Variants in TESPA1 observed in about 807,000 individuals in gnomAD.
TESPA1 encodes thymocyte expressed, positive selection associated 1.
TESPA1 carries 33 observed loss-of-function variants against 57.9 expected under a neutral mutation model. The observed-to-expected ratio is 0.57, with a 90% CI of 0.43 to 0.76. The LOEUF is 0.76. Ranked by LOEUF, TESPA1 falls within the 30% of genes least tolerant of loss-of-function variation. TESPA1 has a pLI of 0.00. For synonymous variants in TESPA1, 227 were observed against 228.9 expected, an observed-to-expected ratio of 0.99 and a Z score of 0.07; for missense variants, 618 against 632.9, an observed-to-expected ratio of 0.98 and a Z score of 0.25.
chr12:54,959,692 G>C (rs368374974), intron 10 of TESPA1, among the ~76,000 whole-genome samples: 1 of 152,158 alleles, frequency 6.6e-6, no homozygotes, highest in African/African-American at 2.4e-5. Flanking sequence ...CTAATTTGAG[G>C]AGAAGTGGTT....
intron 3 of TESPA1, among the ~76,000 whole-genome samples, chr12:54,970,144 C>T (rs1457194456): frequency 6.6e-6 from 1 of 152,026 alleles, no homozygotes; most frequent in Non-Finnish European, 1.5e-5. Flanking sequence ...TGGTACATTG[C>T]CCAGGGTGGT....
In TESPA1 at chr12:54,966,532, T is replaced by C. The variant is rs12304999; in HGVS notation, c.311-108A>G. 3.2e-3 allele frequency: 4,093 copies of C among 1,294,304 alleles called. 92 individuals carry two copies. The African/African-American group carries it at 0.055, about 18-fold the overall frequency. The allele number at this position is 1,294,304 out of a possible 1,614,324, so 80.2% of individuals were successfully genotyped here. On this transcript the variant is annotated intron_variant, in intron 5 of 10. Coordinates refer to ENST00000449076, the MANE Select transcript of TESPA1 (RefSeq NM_001136030.3). ...AGTCCCCTCTGTTTCTTTTTGTGAC[T>C]ATGACAGGCTAGCTGGACCCCATAA...
chr12:54,980,541 G>A (rs574596167), intron 1 of TESPA1, among the ~76,000 whole-genome samples: 2 of 152,334 alleles, frequency 1.3e-5, no homozygotes, highest in South Asian at 2.1e-4. Context: ...GGCCCCGCCC[G>A]GTACATGGCT....
rs375275965 is a variant in TESPA1, at chr12:54,963,142, G to A, written c.756C>T (p.Ser252=). ...SKTPVQKFTP[S]HMFWNCNHPT... ...GATGGTTGCAATTCCAGAACATGTG[G>A]GATGGTGTGAACTTTTGGACAGGTG... The change falls in exon 9 of 11, where the codon TCC becomes TCT. Residue 252 remains serine (S), a synonymous_variant. Coordinates refer to ENST00000449076, the MANE Select transcript of TESPA1 (RefSeq NM_001136030.3). 6.2e-7 allele frequency: 1 copy of A among 1,613,912 alleles called. No homozygotes were observed. Among genetic ancestry groups the A allele is most frequent in the Non-Finnish European group, 8.5e-7 (1 of 1,179,882 alleles).
chr12:54,953,445 C>T (rs1950521675), intron 10 of TESPA1, among the ~76,000 whole-genome samples: 1 of 152,084 alleles, frequency 6.6e-6, no homozygotes. Flanking sequence ...TTTTTCTACT[C>T]TCCTCAGCCA....
chr12:54,977,608 T>C (rs1355333723), intron 1 of TESPA1, among the ~76,000 whole-genome samples: 3 of 152,194 alleles, frequency 2.0e-5, no homozygotes, highest in Admixed American at 1.3e-4. Flanking sequence ...GCTTAAGAGT[T>C]CCAAAGAAAG....
chr12:54,983,458 C>T (rs1378668774), intron 1 of TESPA1, among the ~76,000 whole-genome samples: 1 of 152,152 alleles, frequency 6.6e-6, no homozygotes, highest in Non-Finnish European at 1.5e-5. Flanking sequence ...TCTAATCACT[C>T]AGCTGAACAA....
chr12:54,968,223 A>C (rs1951574882), intron 3 of TESPA1, among the ~76,000 whole-genome samples: 1 of 152,180 alleles, frequency 6.6e-6, no homozygotes, highest in Non-Finnish European at 1.5e-5. Context: ...AAAACGGGAG[A>C]ATTACATTCA....
intron 5 of TESPA1, 57 bp from the exon 6 acceptor site, chr12:54,966,481 G>C: frequency 1.9e-6 from 3 of 1,587,836 alleles, no homozygotes; most frequent in South Asian, 2.3e-5. Flanking sequence ...AAAATCACCT[G>C]TGTTGCCCCT....
chr12:54,954,692 A>T (rs1385644845), intron 10 of TESPA1, among the ~76,000 whole-genome samples: 3 of 152,216 alleles, frequency 2.0e-5, no homozygotes, highest in Non-Finnish European at 4.4e-5. Flanking sequence ...TTTCAGAAAT[A>T]TTGTCTCATA....
Position 54,962,981 on chromosome 12 carries a change from G to T in TESPA1, c.917C>A (p.Thr306Asn), listed in dbSNP as rs774617369. The T allele has an allele frequency of 1.5e-5, 25 of 1,613,378 alleles. No individual in the cohort carries two copies. The South Asian group carries it at 2.5e-4, about 16-fold the overall frequency. Residue 306 changes from threonine to asparagine, a missense_variant, in exon 9 of 11, where the codon ACC becomes AAC. By Grantham distance (65) the Thr-to-Asn change is moderately conservative. Transcript: ENST00000449076. ...TTGGTCCAAACTGTTCCTTTTGGGG[G>T]TGTTGTGGGGTGGTGGTGGCCGGTC... is the stretch of plus-strand genomic sequence containing the variant. The part of the protein sequence containing the change: ...PRDRPPPPHN[T>N]PKRNSLDQVV...
chr12:54,956,828 C>T (rs965906799), intron 10 of TESPA1, among the ~76,000 whole-genome samples: 2 of 152,094 alleles, frequency 1.3e-5, no homozygotes, highest in Non-Finnish European at 1.5e-5. Context: ...CATCCCATGG[C>T]GGAAGATGGA....
At chr12:54,971,389 C>G (rs1951821564) in intron 3 of TESPA1, among the ~76,000 whole-genome samples, 1 of 152,230 alleles carries the variant, frequency 6.6e-6, no homozygotes, top group African/African-American at 2.4e-5. Context: ...TACCAAAAGT[C>G]AAGTGTACTC....
intron 1 of TESPA1, among the ~76,000 whole-genome samples, chr12:54,977,341 C>A (rs192530204): frequency 2.0e-5 from 3 of 152,042 alleles, no homozygotes; most frequent in Non-Finnish European, 4.4e-5. Context: ...GCAGGGAGAT[C>A]GGCTGCAAAA....
intron 10 of TESPA1, among the ~76,000 whole-genome samples, chr12:54,950,851 C>G (rs944101650): frequency 6.6e-6 from 1 of 152,066 alleles, no homozygotes; most frequent in African/African-American, 2.4e-5. Context: ...TTAGTAATGA[C>G]CCCACAGGAA....
In TESPA1 at chr12:54,962,551, G is replaced by C; in HGVS notation, c.1347C>G (p.Gly449=). 6.2e-7 allele frequency: 1 copy of C among 1,613,854 alleles called. No homozygotes were observed. The highest frequency in any genetic ancestry group is 1.1e-5 in the South Asian group (1 of 91,064). Residue 449 remains glycine, a synonymous_variant, in exon 9 of 11, where the codon GGC becomes GGG. Transcript: ENST00000449076. ...RKSLFQKNLM[G]RKVKSLDLSI... ...ACAGGTCCAAGGACTTAACCTTCCT[G>C]CCCATGAGATTCTTCTGGAAGAGGC...
At chr12:54,966,203 T>C (rs1951419599) in intron 6 of TESPA1, 52 bp from the exon 7 acceptor site, 2 of 1,564,666 alleles carry the variant, frequency 1.3e-6, no homozygotes, top group African/African-American at 1.4e-5. Flanking sequence ...GTCTGCACCC[T>C]GGCTTCGAGG....
chr12:54,975,683 G>A lies in TESPA1; in HGVS notation c.-45-1076C>T, dbSNP rs1044570703. ...TTAAGAGCTACACTTTTAACTATTGGAATAAAATAAAATAAAATAAAATAA... is the reference window on the plus strand; with the variant it reads ...TTAAGAGCTACACTTTTAACTATTGAAATAAAATAAAATAAAATAAAATAA... On this transcript the variant is annotated intron_variant, in intron 1 of 10. Coordinates refer to ENST00000449076, the MANE Select transcript of TESPA1 (RefSeq NM_001136030.3). Among the ~76,000 whole-genome samples, 12 of 148,618 alleles carry A rather than the reference G, an allele frequency of 8.1e-5. 1 individual carries two copies. The highest frequency in any genetic ancestry group is 4.2e-4 in the South Asian group (2 of 4,730).
chr12:54,967,913 T>A (rs775772666), intron 3 of TESPA1, 21 bp from the exon 4 acceptor site: 1 of 1,613,244 alleles, frequency 6.2e-7, no homozygotes, highest in Admixed American at 1.7e-5. Flanking sequence ...AACAGTCTTA[T>A]AGGTTGAAGT....
Sources: gnomAD v4.1 joint callset for allele counts (sites outside exome capture counted in the v4.1 genomes callset) on GRCh38, gnomAD v4.1.1 for gene constraint, MANE v1.5 for transcripts, NCBI Gene and HGNC (gene_info 2026-07-23, HGNC 2026-07-21) for gene names.